Variants in GALNT8 observed in about 807,000 individuals in gnomAD.
The protein encoded by GALNT8 is polypeptide N-acetylgalactosaminyltransferase 8, also known as probable polypeptide N-acetylgalactosaminyltransferase 8.
GALNT8 carries 66 observed loss-of-function variants against 62.7 expected under a neutral mutation model. The observed-to-expected ratio is 1.05, with a 90% CI of 0.86 to 1.29. GALNT8 has a LOEUF of 1.29. GALNT8 is among the 50% of genes most tolerant of loss of function. The pLI is 0.00. For missense variants in GALNT8, 771 were observed against 791.8 expected (o/e 0.97, Z 0.32); for synonymous variants, 288 against 294.3 (o/e 0.98, Z 0.22).
chr12:4,744,663 G>T lies in GALNT8; in HGVS notation c.823G>T (p.Ala275Ser), dbSNP rs746921515. 1.4e-5 allele frequency: 23 copies of T among 1,612,678 alleles called. No homozygotes were observed. The highest frequency in any genetic ancestry group is 3.3e-4 in the Middle Eastern group (2 of 6,074). Residue 275 changes from alanine to serine, a missense_variant, in exon 4 of 11, where the codon GCC becomes TCC. By Grantham distance (99) the Ala-to-Ser change is moderately conservative. Transcript: ENST00000252318. ...GWEAATADVV[A>S]ILDAHIEVNV... ...GGAAGCTGCCACAGCAGACGTGGTC[G>T]CCATCTTGGATGCTCACATTGAAGT...
chr12:4,748,061 T>C (rs1360420729), intron 6 of GALNT8, among the ~76,000 whole-genome samples: 2 of 152,178 alleles, frequency 1.3e-5, no homozygotes, highest in Admixed American at 6.5e-5. Context: ...ATTTTTTGAT[T>C]GGATTATTAA....
intron 6 of GALNT8, among the ~76,000 whole-genome samples, chr12:4,753,222 G>A (rs1043572118): frequency 6.6e-6 from 1 of 151,276 alleles, no homozygotes; most frequent in South Asian, 2.1e-4. Flanking sequence ...GGTTTGGGAA[G>A]TTCTGTGTTG....
rs370114403 is a variant in GALNT8, at chr12:4,746,240, C to T, written c.1155C>T (p.Asn385=). 14 of 1,599,536 alleles carry T rather than the reference C, an allele frequency of 8.8e-6. No homozygotes were observed. The highest frequency in any genetic ancestry group is 1.3e-5 in the African/African-American group (1 of 74,598). The change falls in exon 6 of 11, where the codon AAC becomes AAT. Residue 385 remains asparagine (N), a synonymous_variant. Transcript: ENST00000252318. ...DGGMLIYGGE[N]VELSLRVWQC... The stretch of plus-strand genomic sequence containing the variant: ...GAATGCTCATCTATGGAGGAGAGAA[C>T]GTGGAGCTTAGCCTGAGGGTGGGTA...
At chr12:4,728,415 G>C (rs1035945857) in intron 2 of GALNT8, among the ~76,000 whole-genome samples, 1 of 151,858 alleles carries the variant, frequency 6.6e-6, no homozygotes, top group South Asian at 2.1e-4. Flanking sequence ...TGTACTTTTG[G>C]TGTTATATCT....
At chr12:4,762,917 CA>C (rs1489455679) in intron 7 of GALNT8, among the ~76,000 whole-genome samples, 2 of 151,646 alleles carry the variant, frequency 1.3e-5, no homozygotes, top group Admixed American at 6.6e-5. Flanking sequence ...ATTTATAGAC[CA>C]AAAAAAAGGG....
At chr12:4,723,662 G>C (rs538561666) in intron 1 of GALNT8, among the ~76,000 whole-genome samples, 5 of 151,184 alleles carry the variant, frequency 3.3e-5, no homozygotes, top group African/African-American at 1.2e-4. Flanking sequence ...CATTTTATTC[G>C]CTCTGAAATG....
intron 10 of GALNT8, among the ~76,000 whole-genome samples, chr12:4,770,806 T>C (rs1946420913): frequency 6.6e-6 from 1 of 152,142 alleles, no homozygotes; most frequent in East Asian, 1.9e-4. Flanking sequence ...AACTGAATGT[T>C]TGTTGAAAGG....
chr12:4,768,442 C>G (rs781543231), intron 10 of GALNT8: 4 of 371,372 alleles, frequency 1.1e-5, no homozygotes, highest in African/African-American at 8.5e-5. Context: ...ATGATAACAG[C>G]CTACCATTAC....
At chr12:4,764,103 C>T in intron 9 of GALNT8, 56 bp downstream of exon 9, 2 of 961,638 alleles carry the variant, frequency 2.1e-6, no homozygotes, top group Middle Eastern at 2.1e-4. Context: ...GGCTCAGCCC[C>T]TGGTAACCAT....
chr12:4,762,950 A>C (rs967008364), intron 7 of GALNT8, among the ~76,000 whole-genome samples: 3 of 152,242 alleles, frequency 2.0e-5, no homozygotes, highest in African/African-American at 4.8e-5. Flanking sequence ...AGACATCGGA[A>C]GTGAGGTACA....
intron 1 of GALNT8, among the ~76,000 whole-genome samples, chr12:4,724,993 A>C (rs561788234): frequency 1.3e-5 from 2 of 152,170 alleles, no homozygotes; most frequent in African/African-American, 4.8e-5. Context: ...GCTGACCCTG[A>C]GTTGCAATCA....
At chr12:4,742,890 C>T (rs914684077) in intron 3 of GALNT8, among the ~76,000 whole-genome samples, 1 of 152,086 alleles carries the variant, frequency 6.6e-6, no homozygotes, top group African/African-American at 2.4e-5. Flanking sequence ...GAAAACCCGT[C>T]GAGGCGTCCT....
chr12:4,731,954 T>G (rs1246519871), intron 2 of GALNT8, among the ~76,000 whole-genome samples: 1 of 152,030 alleles, frequency 6.6e-6, no homozygotes, highest in East Asian at 1.9e-4. Context: ...AAAAAATAAT[T>G]AAGAATTTCA....
chr12:4,734,875 G>C (rs1484890521), intron 2 of GALNT8, among the ~76,000 whole-genome samples: 1 of 152,094 alleles, frequency 6.6e-6, no homozygotes, highest in African/African-American at 2.4e-5. Flanking sequence ...TTTGGCTTTT[G>C]CCTAAAATTC....
intron 6 of GALNT8, among the ~76,000 whole-genome samples, chr12:4,751,266 A>G (rs1946321303): frequency 6.6e-6 from 1 of 152,158 alleles, no homozygotes; most frequent in South Asian, 2.1e-4. Context: ...CAAAAGGAAA[A>G]ATGGACAAAT....
intron 6 of GALNT8, among the ~76,000 whole-genome samples, chr12:4,752,748 TACTG>T (rs1312944005): frequency 6.6e-6 from 1 of 152,340 alleles, no homozygotes; most frequent in East Asian, 1.9e-4. Flanking sequence ...GTTTTCTGTG[TACTG>T]ACTATCACCA....
chr12:4,742,106 G>C (rs1946274879), intron 3 of GALNT8, among the ~76,000 whole-genome samples: 1 of 152,166 alleles, frequency 6.6e-6, no homozygotes. Context: ...GTGCCTACCT[G>C]ATAGGACCAC....
At chr12:4,727,214 A>G (rs746281560) in intron 2 of GALNT8, among the ~76,000 whole-genome samples, 3 of 151,908 alleles carry the variant, frequency 2.0e-5, no homozygotes, top group East Asian at 1.9e-4. Flanking sequence ...CAAATTCTCT[A>G]CTTGAATTCC....
chr12:4,726,771 G>T lies in GALNT8; in HGVS notation c.451G>T (p.Ala151Ser), dbSNP rs760898970. 1.9e-5 allele frequency: 31 copies of T among 1,613,868 alleles called. No individual in the cohort carries two copies. Among genetic ancestry groups the T allele is most frequent in the African/African-American group, 4.0e-5 (3 of 74,882 alleles). Residue 151 changes from alanine to serine, a missense_variant, in exon 2 of 11, where the codon GCG (alanine) becomes TCG (serine). Coordinates refer to ENST00000252318, the MANE Select transcript of GALNT8 (RefSeq NM_017417.2). This position sits in a 1 kb window ranked among gnomAD's most constrained non-coding sequence, Gnocchi z 4.1. ...QDLFRKFGYN[A>S]YLSNQLPLNR... Reference sequence around the variant, plus strand: ...CCTCTTCCGGAAGTTTGGTTACAACGCGTACCTCAGCAACCAGCTGCCTCT... The same window carrying T: ...CCTCTTCCGGAAGTTTGGTTACAACTCGTACCTCAGCAACCAGCTGCCTCT...
Sources: gnomAD v4.1 joint callset for allele counts (sites outside exome capture counted in the v4.1 genomes callset) on GRCh38, gnomAD v4.1.1 for gene constraint, Gnocchi (gnomAD v3.1) non-coding constraint, MANE v1.5 for transcripts, NCBI Gene and HGNC (gene_info 2026-07-23, HGNC 2026-07-21) for gene names.